ZNF573: variants seen among roughly 807,000 people sequenced by gnomAD.
The protein encoded by ZNF573 is zinc finger protein 573.
Under a neutral mutation model 57.4 loss-of-function variants are expected in ZNF573, and 41 were observed. That is an observed-to-expected ratio of 0.71 (90% CI 0.56 to 0.93). The LOEUF (loss-of-function observed/expected upper bound fraction) is 0.93. Ranked by LOEUF, ZNF573 falls within the 40% of genes least tolerant of loss-of-function variation. ZNF573 has a pLI of 0.00. For missense variants in ZNF573, 730 were observed against 794.8 expected (o/e 0.92, Z 0.98); for synonymous variants, 249 against 261.0 (o/e 0.95, Z 0.44).
At chr19:37,767,539 C>G (rs1235904451) in intron 4 of ZNF573, among the ~76,000 whole-genome samples, 1 of 152,098 alleles carries the variant, frequency 6.6e-6, no homozygotes, top group Non-Finnish European at 1.5e-5. Flanking sequence ...GGCAGAGATT[C>G]ATGCCTTTTA....
intron 3 of ZNF573, chr19:37,770,601 C>CAAAAAAAAAAA (rs1008585781): frequency 3.0e-5 from 1 of 32,894 alleles, no homozygotes; most frequent in African/African-American, 1.2e-4. Context: ...CTCATCTCTA[C>CAAAAAAAAAAA]AAAAAAAAAA....
chr19:37,765,016 C>G (rs530300415), intron 4 of ZNF573, among the ~76,000 whole-genome samples: 2 of 150,824 alleles, frequency 1.3e-5, no homozygotes, highest in Admixed American at 6.7e-5. Flanking sequence ...AGTGATTCTC[C>G]TGCATCAGCC....
At chr19:37,758,598 TAA>T (rs11339865) in intron 4 of ZNF573, 20,975 of 130,982 alleles carry the variant, frequency 0.16, 1,720 homozygotes, top group Middle Eastern at 0.28. Flanking sequence ...AGACTCCATC[TAA>T]AAAAAAAAAA....
intron 1 of ZNF573, among the ~76,000 whole-genome samples, chr19:37,776,630 A>G (rs980068436): frequency 4.6e-5 from 7 of 152,230 alleles, no homozygotes; most frequent in African/African-American, 1.7e-4. Context: ...AAAGATAAAT[A>G]GATGGGACTT....
At position 37,771,552 on chromosome 19, in the gene ZNF573, A is replaced by C. The variant is rs2045659035; in HGVS notation, c.202+12T>G. 1.9e-6 allele frequency: 3 copies of C among 1,609,290 alleles called. No individual in the cohort carries two copies. The highest frequency in any genetic ancestry group is 1.7e-6 in the Non-Finnish European group (2 of 1,177,956). ...GATCACATTTTAAATTACTTGAGGC[A>C]AATAAACTTACCCAGTGATACCAGG... On this transcript the variant is annotated intron_variant, in intron 3 of 4. Coordinates refer to ENST00000536220, the MANE Select transcript of ZNF573 (RefSeq NM_001172690.2).
rs573522432 is a variant in ZNF573 at position 37,776,840 on chromosome 19, T to C, written c.-23+2704A>G. 4.5e-4 allele frequency among the ~76,000 whole-genome samples: 69 copies of C among 152,182 alleles called. No homozygotes were observed. In the South Asian group the frequency reaches 5.6e-3, roughly 12 times the overall value. On this transcript the variant is annotated intron_variant, in intron 1 of 4. Transcript: ENST00000536220. ...GTAGGCTAAGGATATGAATAGACAA[T>C]TCTCAAAAGAAGATATACAAATGGT...
At chr19:37,764,535 G>T (rs1408134001) in intron 4 of ZNF573, among the ~76,000 whole-genome samples, 1 of 151,200 alleles carries the variant, frequency 6.6e-6, no homozygotes, top group African/African-American at 2.4e-5. Flanking sequence ...TGGCCAGAAT[G>T]GTCTCGATCT....
chr19:37,746,380 C>A (rs1599685496), intron 4 of ZNF573, among the ~76,000 whole-genome samples: 1 of 152,134 alleles, frequency 6.6e-6, no homozygotes, highest in South Asian at 2.1e-4. Flanking sequence ...ACGGGGAGAG[C>A]CAGTTTTCCT....
chr19:37,742,005 A>C (rs995514385), intron 4 of ZNF573, among the ~76,000 whole-genome samples: 13 of 152,190 alleles, frequency 8.5e-5, no homozygotes, highest in African/African-American at 3.1e-4. Context: ...ATGTGAAAAA[A>C]TCACAAGCAT....
At chr19:37,756,248 G>T (rs1158366528) in intron 4 of ZNF573, among the ~76,000 whole-genome samples, 1 of 152,202 alleles carries the variant, frequency 6.6e-6, no homozygotes, top group Non-Finnish European at 1.5e-5. Context: ...TGGGCCTGAT[G>T]CCACTTAAAG....
At chr19:37,746,277 G>A (rs2045381468) in intron 4 of ZNF573, among the ~76,000 whole-genome samples, 1 of 152,146 alleles carries the variant, frequency 6.6e-6, no homozygotes, top group Admixed American at 6.6e-5. Flanking sequence ...CTACTCAAGT[G>A]AGTAAACTTG....
rs2045313629 is a variant in ZNF573, at chr19:37,740,161, A to G, written c.329T>C (p.Ile110Thr). ...ATCTGTTTCATAAGTGGGTACTTCT[A>G]TGTAGCTGATTATCTCACACTGTAA... ...LDLQCEIISY[I>T]EVPTYETDIS... is the part of the protein sequence containing the mutation. The change falls in exon 5 of 5, where the codon ATA becomes ACA. Residue 110 changes from isoleucine (I) to threonine (T), a missense_variant. Physicochemically the swap from Ile to Thr is moderately conservative, Grantham distance 89. Coordinates refer to ENST00000536220, the MANE Select transcript of ZNF573 (RefSeq NM_001172690.2). 5 of 1,595,748 alleles carry G rather than the reference A, an allele frequency of 3.1e-6. No homozygotes were observed. Among genetic ancestry groups the G allele is most frequent in the Non-Finnish European group, 4.3e-6 (5 of 1,170,752 alleles).
chr19:37,754,241 G>C (rs1207670749), intron 4 of ZNF573, among the ~76,000 whole-genome samples: 1 of 152,118 alleles, frequency 6.6e-6, no homozygotes, highest in Non-Finnish European at 1.5e-5. Flanking sequence ...GAAAAGAATG[G>C]CCGGGCACGG....
rs2045511982 is a variant in ZNF573 at position 37,758,205 on chromosome 19, ATATATATATATAT to A, written c.295+11787_295+11799del. The stretch of plus-strand genomic sequence containing the variant: ...CCTAGAACTTAAAGTATAATAAAAT[ATATATATATATAT>A]ATATATATATATATATATATATATA... On this transcript the variant is annotated intron_variant, in intron 4 of 4. Coordinates refer to ENST00000536220, the MANE Select transcript of ZNF573 (RefSeq NM_001172690.2). Among the ~76,000 whole-genome samples, 229 of 36,076 alleles carry A rather than the reference ATATATATATATAT, an allele frequency of 6.3e-3. 34 individuals carry two copies. The highest frequency in any genetic ancestry group is 8.2e-3 in the Non-Finnish European group (174 of 21,324). 23.7% of individuals were successfully genotyped at this position (36,076 alleles called of 152,430 possible). A position where few individuals can be genotyped will look rare whatever the true frequency, so the allele number is the denominator to read the frequency against.
In ZNF573 at chr19:37,768,843, T is replaced by G. The variant is rs539165046; in HGVS notation, c.295+1162A>C. The stretch of plus-strand genomic sequence containing the variant: ...ACTATGCCCTGTTAATTTTTTTGTA[T>G]TTTTAGTAGAGACGGGGTTTCACCG... On this transcript the variant is annotated intron_variant, in intron 4 of 4. Coordinates refer to ENST00000536220, the MANE Select transcript of ZNF573 (RefSeq NM_001172690.2). 2.7e-4 allele frequency among the ~76,000 whole-genome samples: 32 copies of G among 116,768 alleles called. 2 individuals carry two copies. In the South Asian group the frequency reaches 9.0e-3, roughly 33 times the overall value. The allele number at this position is 116,768 out of a possible 152,430, so 76.6% of individuals were successfully genotyped here.
intron 4 of ZNF573, among the ~76,000 whole-genome samples, chr19:37,753,104 A>T (rs539303191): frequency 5.1e-4 from 78 of 152,252 alleles, no homozygotes; most frequent in Middle Eastern, 3.4e-3. Flanking sequence ...AAAAATTTTT[A>T]AAAAATCAGC....
chr19:37,739,690 ACT>A lies in ZNF573; in HGVS notation c.798_799del (p.Arg266SerfsTer9). ...TTTATATGGTTTTTCGCCAGTATGA[ACT>A]CTCTGATGAATTCTAAGATGTCCAC... On this transcript the variant is annotated frameshift_variant, in exon 5 of 5. Transcript: ENST00000536220. LOFTEE classifies it high-confidence loss of function. 1 of 1,613,732 alleles carries A rather than the reference ACT, an allele frequency of 6.2e-7. No homozygotes were observed. Among genetic ancestry groups the A allele is most frequent in the Non-Finnish European group, 8.5e-7 (1 of 1,179,894 alleles).
At chr19:37,772,808 A>T in intron 2 of ZNF573, 1 of 219,712 alleles carries the variant, frequency 4.6e-6, no homozygotes, top group Non-Finnish European at 7.7e-6. Flanking sequence ...TGATTTTTGT[A>T]CTTTTTTTGT....
At position 37,738,961 on chromosome 19, in the gene ZNF573, T is replaced by C. The variant is rs147912292; in HGVS notation, c.1529A>G (p.His510Arg). 1,112 of 1,613,914 alleles carry C rather than the reference T, an allele frequency of 6.9e-4. No individual in the cohort carries two copies. Among genetic ancestry groups the C allele is most frequent in the Non-Finnish European group, 8.9e-4 (1,046 of 1,180,012 alleles). The change falls in exon 5 of 5, where the codon CAT becomes CGT. Residue 510 changes from histidine to arginine, a missense_variant. By Grantham distance (29) the His-to-Arg change is conservative. Transcript: ENST00000536220. ...CKECGKTFSL[H>R]GYLNQHQKIH... The stretch of plus-strand genomic sequence containing the variant: ...TTTCTGATGTTGATTAAGATATCCA[T>C]GCAAGCTAAAGGTCTTGCCACATTC...
Sources: allele counts gnomAD v4.1 joint callset (sites outside exome capture counted in the v4.1 genomes callset), GRCh38; gene constraint gnomAD v4.1.1; transcripts MANE v1.5; gene names NCBI Gene and HGNC (gene_info 2026-07-23, HGNC 2026-07-21).